The following SLC35F3 variants were observed in gnomAD, a reference collection of about 807,000 sequenced individuals.
SLC35F3 encodes putative thiamine transporter SLC35F3.
Under a neutral mutation model 49.9 loss-of-function variants are expected in SLC35F3, and 25 were observed. The observed-to-expected ratio is 0.50, with a 90% CI of 0.37 to 0.70. The LOEUF is 0.70. SLC35F3 is among the 30% of genes least tolerant of loss of function. The pLI, the probability that SLC35F3 is intolerant of heterozygous loss-of-function variation, is 0.00. For synonymous variants in SLC35F3, 275 were observed against 265.4 expected (o/e 1.04, Z -0.35); for missense variants, 525 against 639.8 (o/e 0.82, Z 1.94).
At chr1:234,253,299 C>G in intron 3 of SLC35F3, among the ~76,000 whole-genome samples, 1 of 151,566 alleles carries the variant, frequency 6.6e-6, no homozygotes, top group East Asian at 1.9e-4. Flanking sequence ...GCACTCCAGC[C>G]TGGGCAACAA....
intron 2 of SLC35F3, among the ~76,000 whole-genome samples, chr1:234,179,719 T>C (rs1041322298): frequency 6.9e-6 from 1 of 144,214 alleles, no homozygotes; most frequent in African/African-American, 2.4e-5. Flanking sequence ...TTAACTCTCT[T>C]GAATTTTTAC....
intron 2 of SLC35F3, among the ~76,000 whole-genome samples, chr1:234,095,713 T>C (rs974854768): frequency 1.3e-5 from 2 of 152,146 alleles, no homozygotes; most frequent in Non-Finnish European, 2.9e-5. Context: ...CTACTTGGGG[T>C]CTAATCATAG....
intron 2 of SLC35F3, among the ~76,000 whole-genome samples, chr1:233,925,435 A>G (rs1023791329): frequency 2.6e-5 from 4 of 152,122 alleles, no homozygotes; most frequent in Admixed American, 2.6e-4. Flanking sequence ...AGTCTGTTTT[A>G]TCAGAGACTA....
intron 2 of SLC35F3, among the ~76,000 whole-genome samples, chr1:233,933,756 G>A (rs12755555): frequency 0.01 from 1,526 of 152,270 alleles, 23 homozygotes; most frequent in Non-Finnish European, 0.012. Context: ...CAGGAGAATC[G>A]CTTGAACCTG....
intron 3 of SLC35F3, among the ~76,000 whole-genome samples, chr1:234,234,155 CAGAG>C (rs369835836): frequency 8.8e-4 from 134 of 152,184 alleles, no homozygotes; most frequent in Middle Eastern, 3.4e-3. Context: ...AAATTAATGC[CAGAG>C]AGAAGATTTT....
intron 2 of SLC35F3, among the ~76,000 whole-genome samples, chr1:234,063,977 T>C (rs1435436016): frequency 3.3e-5 from 5 of 152,224 alleles, no homozygotes; most frequent in Non-Finnish European, 7.3e-5. Context: ...TATTGTTAAC[T>C]GCACCTGGAA....
intron 2 of SLC35F3, among the ~76,000 whole-genome samples, chr1:233,908,615 C>G (rs1447376594): frequency 7.0e-6 from 1 of 142,504 alleles, no homozygotes; most frequent in Non-Finnish European, 1.5e-5. Context: ...AATCTCGGCT[C>G]ACTGCAACTT....
rs150495171 is a variant in SLC35F3, at chr1:234,185,787, G to A, written c.284-45630G>A. ...TCATCACATCACCATTTGGATACCC[G>A]CTGAATTGCAGGTCTGTGCCAATAA... is the stretch of plus-strand genomic sequence containing the variant. On this transcript the variant is annotated intron_variant, in intron 2 of 7. Transcript: ENST00000366618. 5.6e-3 allele frequency among the ~76,000 whole-genome samples: 859 copies of A among 152,290 alleles called. 6 individuals are homozygous for A. Among genetic ancestry groups the A allele is most frequent in the South Asian group, 0.028 (135 of 4,820 alleles).
chr1:234,173,206 C>A (rs1279053162), intron 2 of SLC35F3, among the ~76,000 whole-genome samples: 1 of 152,166 alleles, frequency 6.6e-6, no homozygotes, highest in Admixed American at 6.5e-5. Context: ...CCAGCTCCCT[C>A]GTGGAAGCTC....
intron 2 of SLC35F3, among the ~76,000 whole-genome samples, chr1:233,966,658 CA>C (rs1478666595): frequency 3.9e-5 from 6 of 152,170 alleles, no homozygotes; most frequent in Admixed American, 2.0e-4. Context: ...ATTAGGAAAG[CA>C]ACCTCTGGCA....
intron 3 of SLC35F3, among the ~76,000 whole-genome samples, chr1:234,256,241 T>C (rs773276640): frequency 9.9e-5 from 15 of 152,226 alleles, no homozygotes; most frequent in Non-Finnish European, 1.8e-4. Context: ...TTAGAATTAA[T>C]AAAAAGTGAA....
intron 2 of SLC35F3, among the ~76,000 whole-genome samples, chr1:233,912,172 A>C (rs1434786925): frequency 6.6e-6 from 1 of 152,126 alleles, no homozygotes; most frequent in Admixed American, 6.6e-5. Flanking sequence ...CTATATGACA[A>C]GTTCACTGCT....
intron 2 of SLC35F3, among the ~76,000 whole-genome samples, chr1:234,159,205 C>T (rs1666193579): frequency 1.3e-5 from 2 of 152,108 alleles, no homozygotes; most frequent in South Asian, 4.2e-4. Flanking sequence ...CCACGCATGC[C>T]ATTCTCAGTA....
Position 234,231,464 on chromosome 1 carries a change from C to T in SLC35F3, c.331C>T (p.Pro111Ser), listed in dbSNP as rs1161913489. ...CCCGGGCCCGGCGGAGGCCCAGGCA[C>T]CGGCCGGGGTGGAGGCCGGCGGGAG... The part of the protein sequence containing the change: ...DSPGPAEAQA[P>S]AGVEAGGRAS... The change falls in exon 3 of 8, where the codon CCG (proline) becomes TCG (serine). Residue 111 changes from proline to serine, a missense_variant. By Grantham distance (74) the Pro-to-Ser change is moderately conservative. This residue lies in a region of SLC35F3 where 228 missense variants were observed against 218.9 expected (regional missense o/e 1.04). Coordinates refer to ENST00000366618, the MANE Select transcript of SLC35F3 (RefSeq NM_173508.4). This position sits in a 1 kb window ranked among gnomAD's most constrained non-coding sequence, Gnocchi z 5.4. 6.2e-7 allele frequency: 1 copy of T among 1,610,014 alleles called. No homozygotes were observed. The highest frequency in any genetic ancestry group is 1.7e-5 in the Admixed American group (1 of 59,834).
intron 2 of SLC35F3, among the ~76,000 whole-genome samples, chr1:233,932,830 T>C (rs1662267064): frequency 6.6e-6 from 1 of 152,214 alleles, no homozygotes; most frequent in African/African-American, 2.4e-5. Context: ...TCTTGAATAG[T>C]GAGATAACTC....
chr1:234,139,999 T>TAAAATAAAATAAAATA, intron 2 of SLC35F3, among the ~76,000 whole-genome samples: 1 of 110,108 alleles, frequency 9.1e-6, no homozygotes, highest in South Asian at 2.7e-4. Flanking sequence ...TAAAATAAAA[T>TAAAATAAAATAAAATA]AAAGTAAGTG....
At chr1:234,224,346 C>T (rs1558265551) in intron 2 of SLC35F3, among the ~76,000 whole-genome samples, 2 of 152,204 alleles carry the variant, frequency 1.3e-5, no homozygotes, top group African/African-American at 4.8e-5. Flanking sequence ...GGATTACAGG[C>T]GTGAGCCACT....
At chr1:234,227,018 C>A (rs868478993) in intron 2 of SLC35F3, among the ~76,000 whole-genome samples, 20 of 151,680 alleles carry the variant, frequency 1.3e-4, no homozygotes, top group Middle Eastern at 3.4e-3. Flanking sequence ...GGCAACAGAA[C>A]TGGGATGAAC....
intron 3 of SLC35F3, among the ~76,000 whole-genome samples, chr1:234,277,255 G>T (rs898188772): frequency 7.9e-5 from 12 of 152,234 alleles, no homozygotes; most frequent in Admixed American, 7.2e-4. Context: ...CCCTGTGGAT[G>T]AAGGTAATGG....
Sources: gnomAD v4.1 joint callset for allele counts (sites outside exome capture counted in the v4.1 genomes callset) on GRCh38, gnomAD v4.1.1 for gene constraint, gnomAD v4.1.1 regional missense constraint, Gnocchi (gnomAD v3.1) non-coding constraint, MANE v1.5 for transcripts, NCBI Gene and HGNC (gene_info 2026-07-23, HGNC 2026-07-21) for gene names.